TBC1D31: variants seen among roughly 807,000 people sequenced by gnomAD.
TBC1D31 encodes WD repeat domain 67.
In TBC1D31, 99 loss-of-function variants were observed where a neutral mutation model predicts 132.9. The observed-to-expected ratio is 0.74, with a 90% CI of 0.63 to 0.88. The LOEUF (loss-of-function observed/expected upper bound fraction) is 0.88. Ranked by LOEUF, TBC1D31 falls within the 40% of genes least tolerant of loss-of-function variation. The pLI is 0.00. For missense variants in TBC1D31, 1,134 were observed against 1,256.6 expected, an observed-to-expected ratio of 0.90 and a Z score of 1.48; for synonymous variants, 385 against 419.4, an observed-to-expected ratio of 0.92 and a Z score of 1.00.
At chr8:123,141,730 TTCTTCAGAGTCTCC>T (rs1821697077) in intron 18 of TBC1D31, among the ~76,000 whole-genome samples, 1 of 152,226 alleles carries the variant, frequency 6.6e-6, no homozygotes, top group South Asian at 2.1e-4. Flanking sequence ...AAATGGGCTC[TTCTTCAGAGTCTCC>T]TCTTCAGAGT....
In TBC1D31 at chr8:123,112,442, T is replaced by G; in HGVS notation, c.1436+2822T>G. On this transcript the variant is annotated intron_variant, in intron 10 of 21. Coordinates refer to ENST00000287380, the MANE Select transcript of TBC1D31 (RefSeq NM_145647.4). Reference sequence around the variant, plus strand: ...CCTTTTAGCAAATATCTTATTTGTATTTACAAATATGTTTGTATTTACCTC... The same window carrying G: ...CCTTTTAGCAAATATCTTATTTGTAGTTACAAATATGTTTGTATTTACCTC... 2.6e-5 allele frequency among the ~76,000 whole-genome samples: 4 copies of G among 152,352 alleles called. No homozygotes were observed. In the South Asian group the frequency reaches 8.3e-4, roughly 32 times the overall value.
the TBC1D31 span, among the ~76,000 whole-genome samples, chr8:123,159,108 G>A: frequency 6.6e-6 from 1 of 152,032 alleles, no homozygotes; most frequent in Non-Finnish European, 1.5e-5. Flanking sequence ...CTGCAGGCCC[G>A]AGGAGATGCT....
chr8:123,150,210 T>G, intron 21 of TBC1D31, 82 bp downstream of exon 21: 1 of 1,065,956 alleles, frequency 9.4e-7, no homozygotes, highest in Non-Finnish European at 1.4e-6. Flanking sequence ...AAATTATATT[T>G]ATAGCATGTG....
the TBC1D31 span, among the ~76,000 whole-genome samples, chr8:123,162,859 G>A: frequency 3.3e-5 from 5 of 151,646 alleles, no homozygotes; most frequent in East Asian, 3.9e-4. Flanking sequence ...TTTAGATGGC[G>A]TCTCACTCTG....
At chr8:123,096,784 A>G (rs1586602148) in intron 5 of TBC1D31, among the ~76,000 whole-genome samples, 1 of 152,240 alleles carries the variant, frequency 6.6e-6, no homozygotes, top group South Asian at 2.1e-4. Context: ...TTGCAAGTCA[A>G]AACAACTTAC....
chr8:123,085,655 C>T lies in TBC1D31; in HGVS notation c.519+1315C>T, dbSNP rs572871030. 1.7e-4 allele frequency among the ~76,000 whole-genome samples: 26 copies of T among 152,150 alleles called. No homozygotes were observed. In the South Asian group the frequency reaches 1.9e-3, roughly 11 times the overall value. ...CCATCTCCTGACCTTGTGATCCACC[C>T]GCCTTAGCCTCCTAAAGTGCTGGGA... On this transcript the variant is annotated intron_variant, in intron 4 of 21. Coordinates refer to ENST00000287380, the MANE Select transcript of TBC1D31 (RefSeq NM_145647.4).
At position 123,130,295 on chromosome 8, in the gene TBC1D31, A is replaced by G. The variant is rs200262739; in HGVS notation, c.2368A>G (p.Met790Val). 25 of 1,613,346 alleles carry G rather than the reference A, an allele frequency of 1.5e-5. No homozygotes were observed. The Admixed American group carries it at 1.8e-4, about 12-fold the overall frequency. Residue 790 changes from methionine to valine, a missense_variant, in exon 16 of 22, where the codon ATG becomes GTG. Transcript: ENST00000287380. ...GAAGCTTCAGCAAGATCAACAGGAAATGGAACTAAGAAGACTGGATGATGA... is the reference window on the plus strand; with the variant it reads ...GAAGCTTCAGCAAGATCAACAGGAAGTGGAACTAAGAAGACTGGATGATGA... Reference protein sequence around the residue: ...FLKLQQDQQEMELRRLDDEIG... With the variant: ...FLKLQQDQQEVELRRLDDEIG...
chr8:123,092,752 G>A (rs959009281), intron 4 of TBC1D31, among the ~76,000 whole-genome samples: 2 of 150,916 alleles, frequency 1.3e-5, no homozygotes, highest in African/African-American at 4.9e-5. Context: ...CAGGTTCAAG[G>A]GATTCTTCTG....
rs191247404 is a variant in TBC1D31, at chr8:123,092,112, T to C, written c.520-1479T>C. 5.8e-3 allele frequency among the ~76,000 whole-genome samples: 886 copies of C among 152,214 alleles called. 11 individuals are homozygous for C. Among genetic ancestry groups the C allele is most frequent in the South Asian group, 0.019 (93 of 4,822 alleles). On this transcript the variant is annotated intron_variant, in intron 4 of 21. Coordinates refer to ENST00000287380, the MANE Select transcript of TBC1D31 (RefSeq NM_145647.4). ...TCATTGCAACCTCCACCCTCCAGGTTCAAGTGATTCTCATGCCTCAGCCTC... is the reference window on the plus strand; with the variant it reads ...TCATTGCAACCTCCACCCTCCAGGTCCAAGTGATTCTCATGCCTCAGCCTC...
intron 6 of TBC1D31, among the ~76,000 whole-genome samples, chr8:123,098,456 C>T (rs1366375136): frequency 6.6e-6 from 1 of 152,154 alleles, no homozygotes; most frequent in Non-Finnish European, 1.5e-5. Context: ...CATGAACCAC[C>T]ATGCCCAGCT....
At chr8:123,155,433 G>C (rs1822963591), downstream of TBC1D31, among the ~76,000 whole-genome samples, 1 of 152,180 alleles carries the variant, frequency 6.6e-6, no homozygotes, top group Non-Finnish European at 1.5e-5. This position sits in a 1 kb window ranked among gnomAD's most constrained non-coding sequence, Gnocchi z 4.1. Context: ...ACCATTTACA[G>C]TAAAGGGCAG....
At chr8:123,160,561 C>T in the TBC1D31 span, among the ~76,000 whole-genome samples, 4 of 152,042 alleles carry the variant, frequency 2.6e-5, no homozygotes, top group Middle Eastern at 3.2e-3. Context: ...CCCACTCTCC[C>T]GGCGACCTCC....
intron 13 of TBC1D31, among the ~76,000 whole-genome samples, chr8:123,127,612 G>T (rs1820196518): frequency 1.3e-5 from 2 of 152,062 alleles, no homozygotes; most frequent in Admixed American, 1.3e-4. Flanking sequence ...AGGTTATTCT[G>T]TTATTCTGTG....
At chr8:123,087,341 T>C (rs1815870245) in intron 4 of TBC1D31, among the ~76,000 whole-genome samples, 1 of 152,236 alleles carries the variant, frequency 6.6e-6, no homozygotes, top group Admixed American at 6.5e-5. Flanking sequence ...GTATTATGCA[T>C]GCAGTACTGC....
At chr8:123,087,898 C>G (rs1815929308) in intron 4 of TBC1D31, among the ~76,000 whole-genome samples, 1 of 152,176 alleles carries the variant, frequency 6.6e-6, no homozygotes, top group South Asian at 2.1e-4. Flanking sequence ...AATAATAAAA[C>G]AGGACCGGGT....
intron 17 of TBC1D31, among the ~76,000 whole-genome samples, chr8:123,135,794 T>C (rs1255375931): frequency 6.6e-6 from 1 of 152,228 alleles, no homozygotes; most frequent in Non-Finnish European, 1.5e-5. Context: ...TCTCCCATGA[T>C]TTGGAATTAG....
At chr8:123,141,490 C>T (rs1821664883) in intron 18 of TBC1D31, among the ~76,000 whole-genome samples, 1 of 152,236 alleles carries the variant, frequency 6.6e-6, no homozygotes, top group Non-Finnish European at 1.5e-5. Flanking sequence ...ACGGAGTACA[C>T]TTTCAGAAAT....
chr8:123,150,041 C>G lies in TBC1D31; in HGVS notation c.2980C>G (p.Pro994Ala). The stretch of plus-strand genomic sequence containing the variant: ...TCTCCTCACTTTTATAACAGAAGAA[C>G]CCAGGTTCCAAAATGAACAGGACTC... ...HAENPCHKEE[P>A]RFQNEQDSSC... Residue 994 changes from proline to alanine, a missense_variant, in exon 21 of 22, where the codon CCC becomes GCC. Coordinates refer to ENST00000287380, the MANE Select transcript of TBC1D31 (RefSeq NM_145647.4). The G allele has an allele frequency of 6.2e-7, 1 of 1,613,476 alleles. No homozygotes were observed. Among genetic ancestry groups the G allele is most frequent in the East Asian group, 2.2e-5 (1 of 44,852 alleles).
intron 4 of TBC1D31, among the ~76,000 whole-genome samples, chr8:123,090,520 T>C (rs1309421506): frequency 1.3e-5 from 2 of 152,212 alleles, no homozygotes; most frequent in Non-Finnish European, 2.9e-5. Context: ...AAACATCTAA[T>C]AAAGAGTGTT....
Sources: allele counts gnomAD v4.1 joint callset (sites outside exome capture counted in the v4.1 genomes callset), GRCh38; gene constraint gnomAD v4.1.1; non-coding constraint Gnocchi (gnomAD v3.1); transcripts MANE v1.5; gene names NCBI Gene and HGNC (gene_info 2026-07-23, HGNC 2026-07-21).